LDHD: variants seen among roughly 807,000 people sequenced by gnomAD.
LDHD encodes the protein lactate dehydrogenase D, also known as D-lactate dehydrogenase, mitochondrial.
In LDHD, 58 loss-of-function variants were observed where a neutral mutation model predicts 52.9. The observed-to-expected ratio is 1.10, with a 90% CI of 0.89 to 1.36. The LOEUF (loss-of-function observed/expected upper bound fraction) is 1.36, where lower values mean the gene tolerates loss of function less well. Ranked by LOEUF, LDHD falls within the 40% of genes most tolerant of loss-of-function variation. The pLI is 0.00. For synonymous variants in LDHD, 350 were observed against 288.6 expected (o/e 1.21, Z -2.16); for missense variants, 747 against 668.0 (o/e 1.12, Z -1.30).
At chr16:75,115,723 C>G in intron 1 of LDHD, 63 bp from the exon 2 acceptor site, 1 of 1,064,984 alleles carries the variant, frequency 9.4e-7, no homozygotes, top group Non-Finnish European at 1.4e-6. Context: ...AGCCCTGCCC[C>G]AGTGTCGGGG....
chr16:75,113,529 G>C lies in LDHD; in HGVS notation c.1086+6C>G, dbSNP rs1229699326. 4 of 1,602,672 alleles carry C rather than the reference G, an allele frequency of 2.5e-6. No homozygotes were observed. Among genetic ancestry groups the C allele is most frequent in the Non-Finnish European group, 3.4e-6 (4 of 1,175,196 alleles). On this transcript the variant is annotated splice_donor_region_variant and intron_variant, in intron 8 of 10. Transcript: ENST00000450168. ...GGGCCCCATCTGTACCCCAGCCCCA[G>C]CTCACCTTGCAGCCTGGCCGCGTGG...
At position 75,114,686 on chromosome 16, in the gene LDHD, C is replaced by G; in HGVS notation, c.470-1G>C. On this transcript the variant is annotated splice_acceptor_variant, in intron 4 of 10. Coordinates refer to ENST00000450168, the MANE Select transcript of LDHD (RefSeq NM_194436.3). LOFTEE classifies it high-confidence loss of function. ...CAGAGAGAGGCGTCCGCGCCTGGGTCTGGAGGGCGGCGTACAGAAGGCAGC... is the reference window on the plus strand; with the variant it reads ...CAGAGAGAGGCGTCCGCGCCTGGGTGTGGAGGGCGGCGTACAGAAGGCAGC... 6.5e-7 allele frequency: 1 copy of G among 1,534,782 alleles called. No individual in the cohort carries two copies. Among genetic ancestry groups the G allele is most frequent in the Non-Finnish European group, 8.8e-7 (1 of 1,140,154 alleles).
chr16:75,113,700 C>A (rs376386692), intron 7 of LDHD, 38 bp from the exon 8 acceptor site: 1 of 1,613,024 alleles, frequency 6.2e-7, no homozygotes, highest in East Asian at 2.2e-5. Flanking sequence ...CGGGCCGCCA[C>A]TGAGGCAGCC....
chr16:75,113,912 C>T, intron 6 of LDHD, 42 bp from the exon 7 acceptor site: 2 of 1,611,102 alleles, frequency 1.2e-6, no homozygotes, highest in Non-Finnish European at 1.7e-6. Context: ...GCCTGGCCTT[C>T]CCAGGGGGCC....
In LDHD at chr16:75,112,907, C is replaced by G; in HGVS notation, c.1104G>C (p.Val368=). ...CCGGCAGCCGGGAGATGGGCACACACACATCCGTGGAGTAGCCCTGGTCAG... is the reference window on the plus strand; with the variant it reads ...CCGGCAGCCGGGAGATGGGCACACAGACATCCGTGGAGTAGCCCTGGTCAG... ...RPGCKGYSTD[V]CVPISRLPEI... Residue 368 remains valine, a synonymous_variant, in exon 9 of 11, where the codon GTG becomes GTC. Coordinates refer to ENST00000450168, the MANE Select transcript of LDHD (RefSeq NM_194436.3). 4 of 1,612,214 alleles carry G rather than the reference C, an allele frequency of 2.5e-6. No individual in the cohort carries two copies. In the South Asian group the frequency reaches 3.3e-5, roughly 13 times the overall value.
At position 75,112,248 on chromosome 16, in the gene LDHD, G is replaced by C; in HGVS notation, c.*108C>G. The C allele has an allele frequency of 7.4e-7, 1 of 1,346,832 alleles. No homozygotes were observed. The highest frequency in any genetic ancestry group is 1.4e-5 in the South Asian group (1 of 70,916). The allele number at this position is 1,346,832 out of a possible 1,614,324, so 83.4% of individuals were successfully genotyped here. On this transcript the variant is annotated 3_prime_UTR_variant, in exon 11 of 11. Coordinates refer to ENST00000450168, the MANE Select transcript of LDHD (RefSeq NM_194436.3). ...CCCAGATACAGTGGGCTCGCTGGCA[G>C]GAAGACTGCCTCAGCATCTATTTCC...
intron 8 of LDHD, 69 bp from the exon 9 acceptor site, chr16:75,112,993 G>T: frequency 1.7e-6 from 2 of 1,196,196 alleles, no homozygotes; most frequent in South Asian, 1.3e-5. Flanking sequence ...GGTCAAGGCT[G>T]AGGATGGGTC....
intron 3 of LDHD, 46 bp from the exon 4 acceptor site, chr16:75,115,014 C>G (rs768593312): frequency 6.3e-7 from 1 of 1,580,808 alleles, no homozygotes; most frequent in South Asian, 1.2e-5. Context: ...GGGTCTCTGA[C>G]CTGGCCACGT....
chr16:75,112,798 C>G (rs777658304), intron 9 of LDHD, 36 bp downstream of exon 9: 2 of 1,602,778 alleles, frequency 1.2e-6, no homozygotes, highest in Non-Finnish European at 1.7e-6. Flanking sequence ...GCCCTGACAC[C>G]TCCCCACCTC....
At position 75,114,520 on chromosome 16, in the gene LDHD, G is replaced by A. The variant is rs116249169; in HGVS notation, c.629+6C>T. 2,631 of 1,514,492 alleles carry A rather than the reference G, an allele frequency of 1.7e-3. 45 individuals carry two copies. The African/African-American group carries it at 0.031, about 18-fold the overall frequency. The allele number at this position is 1,514,492 out of a possible 1,614,324, so 93.8% of individuals were successfully genotyped here. ...AGAGCCCGGGCCCCCCGCAGAGGGC[G>A]CTCACCGGAAATGCCGGCCTCGGCC... On this transcript the variant is annotated splice_donor_region_variant and intron_variant, in intron 5 of 10. Transcript: ENST00000450168.
At chr16:75,114,741 C>T (rs2036504179) in intron 4 of LDHD, 56 bp from the exon 5 acceptor site, 8 of 1,560,070 alleles carry the variant, frequency 5.1e-6, no homozygotes, top group Admixed American at 1.9e-5. Context: ...TTCCCTCGGG[C>T]TGGGGGAGGA....
rs1597918547 is a variant in LDHD at position 75,112,288 on chromosome 16, G to C, written c.*68C>G. On this transcript the variant is annotated 3_prime_UTR_variant, in exon 11 of 11. Transcript: ENST00000450168. The stretch of plus-strand genomic sequence containing the variant: ...CATCTATTTCCTTGCAGGGGCCGTG[G>C]CATGAAGAAAAGTTCCAGAACCGGC... The C allele has an allele frequency of 4.0e-6, 6 of 1,513,754 alleles. No individual in the cohort carries two copies. In the African/African-American group the frequency reaches 8.3e-5, roughly 21 times the overall value. 93.8% of individuals were successfully genotyped at this position (1,513,754 alleles called of 1,614,324 possible).
chr16:75,116,531 C>T (rs554356606), intron 1 of LDHD, 118 bp downstream of exon 1: 15 of 836,986 alleles, frequency 1.8e-5, no homozygotes, highest in Admixed American at 1.2e-4. Flanking sequence ...GCCCTTTTGC[C>T]CAAGGTCAGG....
chr16:75,115,332 G>T lies in LDHD; in HGVS notation c.193C>A (p.Pro65Thr). 1 of 1,613,598 alleles carries T rather than the reference G, an allele frequency of 6.2e-7. No homozygotes were observed. The change falls in exon 3 of 11, where the codon CCT (proline) becomes ACT (threonine). Residue 65 changes from proline to threonine, a missense_variant. Transcript: ENST00000450168. ...GRDESVHRCE[P>T]PDAVVWPQNV... is the part of the protein sequence containing the mutation. ...TGGGGCCACACCACAGCATCAGGAGGTTCGCACCTAGAACCAGACCCTCAG... is the reference window on the plus strand; with the variant it reads ...TGGGGCCACACCACAGCATCAGGAGTTTCGCACCTAGAACCAGACCCTCAG...
chr16:75,114,169 C>G lies in LDHD; in HGVS notation c.630-4G>C, dbSNP rs375943140. The G allele has an allele frequency of 1.2e-6, 2 of 1,611,958 alleles. No homozygotes were observed. Among genetic ancestry groups the G allele is most frequent in the African/African-American group, 2.7e-5 (2 of 74,926 alleles). On this transcript the variant is annotated splice_polypyrimidine_tract_variant and splice_region_variant and intron_variant, in intron 5 of 10. Transcript: ENST00000450168. Reference sequence around the variant, plus strand: ...GTTGTAGCCGGCTGCACTCTTCCTACGTCCCAGGGACACACAAGGTGAGTA... The same window carrying G: ...GTTGTAGCCGGCTGCACTCTTCCTAGGTCCCAGGGACACACAAGGTGAGTA...
Position 75,114,080 on chromosome 16 carries a change from G to A in LDHD, c.715C>T (p.Leu239=), listed in dbSNP as rs772657039. 2 of 1,611,460 alleles carry A rather than the reference G, an allele frequency of 1.2e-6. No homozygotes were observed. The highest frequency in any genetic ancestry group is 2.7e-5 in the African/African-American group (2 of 74,940). ...ACTGTGGCCTCAGGGGCAGGGTGCA[G>A]GCGCAGGGTGGTGGCTGTGATGAGG... is the stretch of plus-strand genomic sequence containing the variant. ...LGLITATTLR[L]HPAPEATVAA... The change falls in exon 6 of 11, where the codon CTG becomes TTG. Residue 239 remains leucine, a synonymous_variant. Coordinates refer to ENST00000450168, the MANE Select transcript of LDHD (RefSeq NM_194436.3).
At chr16:75,114,742 T>G in intron 4 of LDHD, 57 bp from the exon 5 acceptor site, 1 of 1,561,768 alleles carries the variant, frequency 6.4e-7, no homozygotes, top group Non-Finnish European at 8.7e-7. Flanking sequence ...TCCCTCGGGC[T>G]GGGGGAGGAA....
Position 75,114,114 on chromosome 16 carries a change from C to A in LDHD, c.681G>T (p.Gly227=). 1 of 1,612,518 alleles carries A rather than the reference C, an allele frequency of 6.2e-7. No homozygotes were observed. Among genetic ancestry groups the A allele is most frequent in the Non-Finnish European group, 8.5e-7 (1 of 1,179,992 alleles). ...TGGTGGCTGTGATGAGGCCCAGCGT[C>A]CCCTCGGAGCCCACGAAGAGCCCCG... is the stretch of plus-strand genomic sequence containing the variant. The part of the protein sequence containing the change: ...NLTGLFVGSE[G]TLGLITATTL... The change falls in exon 6 of 11, where the codon GGG becomes GGT. Residue 227 remains glycine (G), a synonymous_variant. Coordinates refer to ENST00000450168, the MANE Select transcript of LDHD (RefSeq NM_194436.3).
In LDHD at chr16:75,112,520, G is replaced by C. The variant is rs758836564; in HGVS notation, c.1291C>G (p.Arg431Gly). 6 of 1,612,810 alleles carry C rather than the reference G, an allele frequency of 3.7e-6. No individual in the cohort carries two copies. Among genetic ancestry groups the C allele is most frequent in the African/African-American group, 1.3e-5 (1 of 74,922 alleles). The change falls in exon 11 of 11, where the codon CGG (arginine) becomes GGG (glycine). Residue 431 changes from arginine to glycine, a missense_variant and splice_region_variant. Physicochemically the swap from Arg to Gly is moderately radical, Grantham distance 125. Transcript: ENST00000450168. ...VKAFAEQLGR[R>G]ALALHGTCTG... Reference sequence around the variant, plus strand: ...CACGTTCCGTGGAGAGCCAGTGCCCGCCTGGGGGCAGGAAGGAGACATCCT... The same window carrying C: ...CACGTTCCGTGGAGAGCCAGTGCCCCCCTGGGGGCAGGAAGGAGACATCCT...
Sources: gnomAD v4.1 joint callset for allele counts on GRCh38, gnomAD v4.1.1 for gene constraint, MANE v1.5 for transcripts, NCBI Gene and HGNC (gene_info 2026-07-23, HGNC 2026-07-21) for gene names.